The following RUNX2 variants were observed in gnomAD, a reference collection of about 807,000 sequenced individuals.
RUNX2 encodes runt-related transcription factor 2.
Under a neutral mutation model 51.7 loss-of-function variants are expected in RUNX2, and 10 were observed. That is an observed-to-expected ratio of 0.19 (90% CI 0.12 to 0.33). RUNX2 has a LOEUF of 0.33. Among genes scored for constraint, RUNX2 ranks in the 10% least tolerant of loss-of-function variants. The pLI is 1.00. For synonymous variants in RUNX2, 276 were observed against 273.6 expected, an observed-to-expected ratio of 1.01 and a Z score of -0.09; for missense variants, 562 against 691.3, an observed-to-expected ratio of 0.81 and a Z score of 2.10.
chr6:45,440,825 T>G (rs1798823364), intron 5 of RUNX2, among the ~76,000 whole-genome samples: 1 of 152,190 alleles, frequency 6.6e-6, no homozygotes, highest in Non-Finnish European at 1.5e-5. Flanking sequence ...GTTTGTGTTA[T>G]GTACTTATGT....
intron 5 of RUNX2, among the ~76,000 whole-genome samples, chr6:45,448,802 C>T (rs371073723): frequency 6.6e-6 from 1 of 152,128 alleles, no homozygotes; most frequent in East Asian, 1.9e-4. Context: ...TAATCTGGGC[C>T]TTATGCCTCC....
chr6:45,479,369 C>A (rs770911129), intron 5 of RUNX2, among the ~76,000 whole-genome samples: 2 of 152,072 alleles, frequency 1.3e-5, no homozygotes, highest in Non-Finnish European at 2.9e-5. Flanking sequence ...AAGAAAGGTA[C>A]GTTTCTATTG....
chr6:45,386,385 A>G (rs963751885), intron 2 of RUNX2, among the ~76,000 whole-genome samples: 1 of 152,118 alleles, frequency 6.6e-6, no homozygotes, highest in African/African-American at 2.4e-5. Flanking sequence ...CATTTTCTCA[A>G]AGAAATTGGA....
At chr6:45,397,931 T>C (rs898126216) in intron 2 of RUNX2, among the ~76,000 whole-genome samples, 2 of 152,358 alleles carry the variant, frequency 1.3e-5, no homozygotes, top group South Asian at 4.1e-4. Flanking sequence ...CTCATTTTAG[T>C]GTTCCCTGCG....
intron 2 of RUNX2, among the ~76,000 whole-genome samples, chr6:45,339,890 C>T (rs1211789569): frequency 2.6e-5 from 4 of 151,986 alleles, no homozygotes; most frequent in South Asian, 2.1e-4. Flanking sequence ...TTTACTGTAC[C>T]GGGTACTATG....
At chr6:45,451,421 T>C (rs1799168042) in intron 5 of RUNX2, among the ~76,000 whole-genome samples, 1 of 152,156 alleles carries the variant, frequency 6.6e-6, no homozygotes, top group South Asian at 2.1e-4. Flanking sequence ...ATGTGGACAA[T>C]GAGAAGCAAT....
At chr6:45,373,144 G>T (rs950309115) in intron 2 of RUNX2, among the ~76,000 whole-genome samples, 1 of 151,936 alleles carries the variant, frequency 6.6e-6, no homozygotes, top group Non-Finnish European at 1.5e-5. Flanking sequence ...TAGAGACCAG[G>T]TCTCACTATA....
chr6:45,504,373 C>T (rs548469279), intron 6 of RUNX2, among the ~76,000 whole-genome samples: 1 of 152,194 alleles, frequency 6.6e-6, no homozygotes, highest in African/African-American at 2.4e-5. Context: ...AGATAACCCA[C>T]CCATTCCCAT....
chr6:45,524,478 C>T (rs149579988), intron 7 of RUNX2, among the ~76,000 whole-genome samples: 5 of 152,150 alleles, frequency 3.3e-5, no homozygotes, highest in Admixed American at 6.6e-5. Context: ...GTACCCAAAA[C>T]GGTCACCGTT....
chr6:45,477,637 T>C lies in RUNX2; in HGVS notation c.686-14304T>C, dbSNP rs576427010. Among the ~76,000 whole-genome samples the C allele has an allele frequency of 1.8e-4, 28 of 152,354 alleles. 2 individuals carry two copies. In the South Asian group the frequency reaches 5.4e-3, roughly 29 times the overall value. On this transcript the variant is annotated intron_variant, in intron 5 of 8. Transcript: ENST00000647337. Reference sequence around the variant, plus strand: ...TGTACTGTTGTCTGTACCTCTATTCTATGTCTCACATTCACTCCCTCAAAT... The same window carrying C: ...TGTACTGTTGTCTGTACCTCTATTCCATGTCTCACATTCACTCCCTCAAAT...
intron 2 of RUNX2, among the ~76,000 whole-genome samples, chr6:45,381,299 A>G (rs1443004266): frequency 6.6e-6 from 1 of 152,236 alleles, no homozygotes; most frequent in Non-Finnish European, 1.5e-5. Context: ...AACCAAATGA[A>G]CTAAAACCTT....
chr6:45,408,182 T>C (rs1797876449), intron 2 of RUNX2, among the ~76,000 whole-genome samples: 1 of 151,988 alleles, frequency 6.6e-6, no homozygotes, highest in Non-Finnish European at 1.5e-5. Flanking sequence ...TTATTTTTTT[T>C]TGAGACAGAG....
intron 7 of RUNX2, among the ~76,000 whole-genome samples, chr6:45,521,474 C>G (rs950752036): frequency 2.0e-5 from 3 of 152,196 alleles, no homozygotes; most frequent in African/African-American, 7.2e-5. Context: ...CAGCTTGAAA[C>G]CAAATGATCA....
chr6:45,526,408 G>C (rs1488746450), intron 7 of RUNX2, among the ~76,000 whole-genome samples: 1 of 152,136 alleles, frequency 6.6e-6, no homozygotes, highest in Non-Finnish European at 1.5e-5. Flanking sequence ...TCTTACTGGA[G>C]AAATGAGAAC....
chr6:45,343,838 C>T (rs1387108469), intron 2 of RUNX2, among the ~76,000 whole-genome samples: 2 of 152,160 alleles, frequency 1.3e-5, no homozygotes, highest in African/African-American at 4.8e-5. Context: ...AACTACTCAC[C>T]TTCTAGGTGC....
chr6:45,546,133 T>C (rs1283233631), intron 8 of RUNX2, among the ~76,000 whole-genome samples: 1 of 151,836 alleles, frequency 6.6e-6, no homozygotes, highest in Non-Finnish European at 1.5e-5. Context: ...CAATGATTCC[T>C]AAGGTACCAA....
chr6:45,331,126 TGCGC>T (rs1352072883), intron 2 of RUNX2, among the ~76,000 whole-genome samples: 1 of 132,912 alleles, frequency 7.5e-6, no homozygotes, highest in African/African-American at 2.7e-5. Flanking sequence ...TGTGTGTGTG[TGCGC>T]GCGCGCGCGC....
chr6:45,539,219 T>TTC (rs563329125), intron 7 of RUNX2, among the ~76,000 whole-genome samples: 3 of 151,430 alleles, frequency 2.0e-5, no homozygotes, highest in South Asian at 2.1e-4. Flanking sequence ...AGGTTTTTTT[T>TTC]TCTCTCTCTC....
At chr6:45,379,986 G>A (rs1401775251) in intron 2 of RUNX2, among the ~76,000 whole-genome samples, 3 of 152,204 alleles carry the variant, frequency 2.0e-5, no homozygotes, top group African/African-American at 7.2e-5. Flanking sequence ...ACTGAATTGG[G>A]CTGTTGGCAG....
Sources: allele counts gnomAD v4.1 joint callset (sites outside exome capture counted in the v4.1 genomes callset), GRCh38; gene constraint gnomAD v4.1.1; transcripts MANE v1.5; gene names NCBI Gene and HGNC (gene_info 2026-07-23, HGNC 2026-07-21).